DCC: variants seen among roughly 807,000 people sequenced by gnomAD.
DCC encodes netrin receptor DCC.
In DCC, 58 loss-of-function variants were observed where a neutral mutation model predicts 172.5. That is an observed-to-expected ratio of 0.34 (90% CI 0.27 to 0.42). The LOEUF is 0.42. Ranked by LOEUF, DCC falls within the 10% of genes least tolerant of loss-of-function variation. DCC has a pLI of 1.00. For missense variants in DCC, 1,740 were observed against 1,791.0 expected (o/e 0.97, Z 0.51); for synonymous variants, 709 against 644.5 (o/e 1.10, Z -1.52).
intron 5 of DCC, among the ~76,000 whole-genome samples, chr18:53,022,820 TA>T (rs951421525): frequency 6.6e-6 from 1 of 151,868 alleles, no homozygotes; most frequent in South Asian, 2.1e-4. Flanking sequence ...GTGATGACTG[TA>T]AAAAAATCCT....
At chr18:53,243,617 G>T (rs915702759) in intron 12 of DCC, among the ~76,000 whole-genome samples, 3 of 152,114 alleles carry the variant, frequency 2.0e-5, no homozygotes, top group South Asian at 2.1e-4. Context: ...AGAATAATTT[G>T]CTGGCAGATT....
At position 52,890,060 on chromosome 18, in the gene DCC, T is replaced by C. The variant is rs1242205668; in HGVS notation, c.413-15984T>C. On this transcript the variant is annotated intron_variant, in intron 2 of 28. Coordinates refer to ENST00000442544, the MANE Select transcript of DCC (RefSeq NM_005215.4). ...TATGGTATCTGTACCAATAAATAGC[T>C]GCTGATTTCCAAATGAGTGTCAATG... Among the ~76,000 whole-genome samples the C allele has an allele frequency of 2.0e-5, 3 of 152,170 alleles. No individual in the cohort carries two copies. The East Asian group carries it at 5.8e-4, about 29-fold the overall frequency.
At chr18:52,839,625 T>A (rs1382974921) in intron 2 of DCC, among the ~76,000 whole-genome samples, 1 of 152,204 alleles carries the variant, frequency 6.6e-6, no homozygotes, top group African/African-American at 2.4e-5. Context: ...CAGGTAAAGC[T>A]TCTTCACTTG....
At chr18:52,855,434 CTG>C (rs976813415) in intron 2 of DCC, among the ~76,000 whole-genome samples, 3 of 152,142 alleles carry the variant, frequency 2.0e-5, no homozygotes, top group African/African-American at 7.2e-5. Flanking sequence ...TTTTAAAATG[CTG>C]TTTTAATTAA....
At chr18:52,507,514 A>G (rs2031276285) in intron 1 of DCC, among the ~76,000 whole-genome samples, 1 of 152,196 alleles carries the variant, frequency 6.6e-6, no homozygotes, top group South Asian at 2.1e-4. Context: ...TTCCAAAGAA[A>G]CAGCAGTTTC....
At chr18:53,078,742 A>G (rs2042757786) in intron 7 of DCC, among the ~76,000 whole-genome samples, 1 of 152,194 alleles carries the variant, frequency 6.6e-6, no homozygotes, top group South Asian at 2.1e-4. Context: ...ACAAATATAT[A>G]CCAAGAATCT....
intron 8 of DCC, among the ~76,000 whole-genome samples, chr18:53,170,754 T>G (rs947728255): frequency 6.6e-6 from 1 of 152,222 alleles, no homozygotes; most frequent in South Asian, 2.1e-4. Flanking sequence ...ATAGCACATA[T>G]GTTGTACTTG....
intron 27 of DCC, among the ~76,000 whole-genome samples, chr18:53,513,207 A>C (rs951212138): frequency 1.8e-4 from 27 of 152,228 alleles, no homozygotes; most frequent in Admixed American, 1.4e-3. Context: ...TATCCAGCCA[A>C]ACTAAGTTTC....
intron 1 of DCC, among the ~76,000 whole-genome samples, chr18:52,442,411 AAAT>A (rs1268170068): frequency 6.6e-6 from 1 of 152,222 alleles, no homozygotes; most frequent in African/African-American, 2.4e-5. Context: ...TCATGATTAA[AAAT>A]AATAATTATA....
At chr18:52,461,574 G>A (rs957578671) in intron 1 of DCC, among the ~76,000 whole-genome samples, 1 of 152,108 alleles carries the variant, frequency 6.6e-6, no homozygotes, top group Non-Finnish European at 1.5e-5. Context: ...ACAAACACAT[G>A]AGTAATACAT....
At position 53,006,455 on chromosome 18, in the gene DCC, G is replaced by A. The variant is rs532493027; in HGVS notation, c.986-56850G>A. Among the ~76,000 whole-genome samples the A allele has an allele frequency of 3.9e-5, 6 of 152,280 alleles. 1 individual carries two copies. In the South Asian group the frequency reaches 1.2e-3, roughly 32 times the overall value. On this transcript the variant is annotated intron_variant, in intron 5 of 28. Transcript: ENST00000442544. ...AAAATGAAAAATGATGGCAAAAATA[G>A]AAGAACTAGCAAAAGAGAAACTAGA...
intron 5 of DCC, among the ~76,000 whole-genome samples, chr18:52,988,974 T>C (rs143962242): frequency 6.6e-6 from 1 of 151,532 alleles, no homozygotes; most frequent in African/African-American, 2.4e-5. Flanking sequence ...TGTTCTAACT[T>C]TGACAACCTA....
chr18:53,468,363 T>TTTATTTATTTATTTATTTA (rs1555675962), intron 25 of DCC, among the ~76,000 whole-genome samples: 2 of 54,722 alleles, frequency 3.7e-5, no homozygotes, highest in Non-Finnish European at 4.8e-5. Context: ...TATTTATTTA[T>TTTATTTATTTATTTATTTA]TTTATTTATT....
At chr18:52,951,431 C>T (rs2040644991) in intron 5 of DCC, among the ~76,000 whole-genome samples, 1 of 151,858 alleles carries the variant, frequency 6.6e-6, no homozygotes, top group African/African-American at 2.4e-5. Context: ...TCTCCTTCCC[C>T]TTGCCTCCCA....
chr18:53,123,367 G>A (rs973425322), intron 7 of DCC, among the ~76,000 whole-genome samples: 1 of 151,994 alleles, frequency 6.6e-6, no homozygotes, highest in South Asian at 2.1e-4. Flanking sequence ...AAGAGGCAAG[G>A]CTTTCAGAAA....
At chr18:52,492,985 T>C (rs1322551875) in intron 1 of DCC, among the ~76,000 whole-genome samples, 1 of 152,126 alleles carries the variant, frequency 6.6e-6, no homozygotes, top group Non-Finnish European at 1.5e-5. Flanking sequence ...GCTCATTTGC[T>C]GCCTATCCAG....
chr18:53,392,165 A>AGAAT (rs962476094), intron 17 of DCC, among the ~76,000 whole-genome samples: 5 of 151,994 alleles, frequency 3.3e-5, no homozygotes, highest in African/African-American at 7.2e-5. Flanking sequence ...TCTGTGCAAG[A>AGAAT]GAATGCCATT....
chr18:53,464,979 CAAAAAAAAA>C (rs71179510), intron 24 of DCC, among the ~76,000 whole-genome samples: 1 of 54,840 alleles, frequency 1.8e-5, no homozygotes, highest in African/African-American at 5.9e-5. Context: ...AACTCAATCT[CAAAAAAAAA>C]AAAAAAAAAA....
chr18:53,450,484 T>C lies in DCC; in HGVS notation c.3230-16T>C. Reference sequence around the variant, plus strand: ...ATCTTCCTAAACCTGAACTCCATTTTCCTGTCTTTTCCCAGAGCCGCCAAT... The same window carrying C: ...ATCTTCCTAAACCTGAACTCCATTTCCCTGTCTTTTCCCAGAGCCGCCAAT... On this transcript the variant is annotated splice_polypyrimidine_tract_variant and intron_variant, in intron 22 of 28. Transcript: ENST00000442544. 6.2e-7 allele frequency: 1 copy of C among 1,613,718 alleles called. No individual in the cohort carries two copies. Among genetic ancestry groups the C allele is most frequent in the Non-Finnish European group, 8.5e-7 (1 of 1,179,866 alleles).
Sources: gnomAD v4.1 joint callset for allele counts (sites outside exome capture counted in the v4.1 genomes callset) on GRCh38, gnomAD v4.1.1 for gene constraint, MANE v1.5 for transcripts, NCBI Gene and HGNC (gene_info 2026-07-23, HGNC 2026-07-21) for gene names.